PLCB4: variants seen among roughly 807,000 people sequenced by gnomAD.
PLCB4 encodes the protein phospholipase C beta 4.
In PLCB4, 77 loss-of-function variants were observed where a neutral mutation model predicts 178.8. That is an observed-to-expected ratio of 0.43 (90% confidence interval 0.36 to 0.52). The LOEUF (loss-of-function observed/expected upper bound fraction) is 0.52, where lower values mean the gene tolerates loss of function less well. Among genes scored for constraint, PLCB4 ranks in the 20% least tolerant of loss-of-function variants. The pLI is 0.00. For synonymous variants in PLCB4, 496 were observed against 490.8 expected (o/e 1.01, Z -0.14); for missense variants, 1,024 against 1,453.4 (o/e 0.70, Z 4.80).
intron 4 of PLCB4, among the ~76,000 whole-genome samples, chr20:9,321,568 A>G (rs974794481): frequency 3.9e-5 from 6 of 152,052 alleles, no homozygotes; most frequent in African/African-American, 7.2e-5. Flanking sequence ...GGAAGACTGT[A>G]TTTTTCATAT....
At chr20:9,278,410 C>T (rs947797441) in intron 3 of PLCB4, among the ~76,000 whole-genome samples, 2 of 151,998 alleles carry the variant, frequency 1.3e-5, no homozygotes, top group African/African-American at 4.8e-5. Context: ...TTAGATGGGA[C>T]ATCCAGGAAC....
chr20:9,148,471 G>T (rs961034098), intron 2 of PLCB4, among the ~76,000 whole-genome samples: 1 of 152,114 alleles, frequency 6.6e-6, no homozygotes, highest in Non-Finnish European at 1.5e-5. Context: ...CTGAAATACT[G>T]TGGCTGGAGA....
At chr20:9,305,599 AT>A (rs1384282453) in intron 3 of PLCB4, among the ~76,000 whole-genome samples, 6 of 151,602 alleles carry the variant, frequency 4.0e-5, no homozygotes, top group African/African-American at 1.5e-4. Flanking sequence ...TTTTTACTTT[AT>A]TTTTCTTAAC....
At chr20:9,075,009 C>T (rs2089780093) in intron 1 of PLCB4, among the ~76,000 whole-genome samples, 1 of 151,994 alleles carries the variant, frequency 6.6e-6, no homozygotes, top group African/African-American at 2.4e-5. Context: ...ATAACAACAA[C>T]AAAATAAAAC....
intron 3 of PLCB4, among the ~76,000 whole-genome samples, chr20:9,230,518 T>C (rs1035472306): frequency 5.3e-5 from 8 of 152,250 alleles, no homozygotes; most frequent in African/African-American, 1.9e-4. Context: ...CTGACCAGTG[T>C]CTCAGTTGGC....
intron 2 of PLCB4, among the ~76,000 whole-genome samples, chr20:9,141,232 T>C (rs547160044): frequency 5.3e-5 from 8 of 152,308 alleles, no homozygotes; most frequent in African/African-American, 1.7e-4. Flanking sequence ...ACTCATTCCA[T>C]TCCTATTTGT....
chr20:9,164,829 G>T (rs2092943679), intron 2 of PLCB4, among the ~76,000 whole-genome samples: 2 of 152,128 alleles, frequency 1.3e-5, no homozygotes, highest in Admixed American at 1.3e-4. Flanking sequence ...CTGGGGAGGT[G>T]GAGGGAACTG....
intron 32 of PLCB4, among the ~76,000 whole-genome samples, chr20:9,446,009 A>G (rs1444055098): frequency 2.0e-5 from 3 of 152,218 alleles, no homozygotes; most frequent in Non-Finnish European, 2.9e-5. Flanking sequence ...TTCTTGAGGC[A>G]TGGCCAGAAA....
chr20:9,308,755 A>G (rs2147877009), intron 4 of PLCB4, among the ~76,000 whole-genome samples: 1 of 152,316 alleles, frequency 6.6e-6, no homozygotes, highest in African/African-American at 2.4e-5. Context: ...ATATTTCTGC[A>G]GGGTGCATCT....
At chr20:9,157,391 G>A (rs2092810061) in intron 2 of PLCB4, among the ~76,000 whole-genome samples, 1 of 152,204 alleles carries the variant, frequency 6.6e-6, no homozygotes, top group African/African-American at 2.4e-5. Context: ...TGGGCAGAAT[G>A]TTAAAATGCT....
chr20:9,160,055 C>T (rs1022489789), intron 2 of PLCB4, among the ~76,000 whole-genome samples: 2 of 152,296 alleles, frequency 1.3e-5, no homozygotes, highest in East Asian at 3.9e-4. Flanking sequence ...GGACCTGTGT[C>T]GCCAAGGAGC....
intron 2 of PLCB4, among the ~76,000 whole-genome samples, chr20:9,209,751 C>T (rs995658423): frequency 6.6e-6 from 1 of 151,992 alleles, no homozygotes; most frequent in African/African-American, 2.4e-5. Context: ...AGATGCTGAG[C>T]AGAAAACCCA....
At chr20:9,445,958 G>A (rs946610286) in intron 32 of PLCB4, among the ~76,000 whole-genome samples, 2 of 152,152 alleles carry the variant, frequency 1.3e-5, no homozygotes, top group African/African-American at 4.8e-5. Context: ...GTGGCCTTTG[G>A]GCTAGTTGGA....
chr20:9,152,357 A>T (rs549672308), intron 2 of PLCB4, among the ~76,000 whole-genome samples: 1 of 152,162 alleles, frequency 6.6e-6, no homozygotes, highest in Admixed American at 6.5e-5. Flanking sequence ...GTCTAGGAGG[A>T]AAAAATGATT....
At chr20:9,459,349 A>T (rs2043247490) in intron 34 of PLCB4, among the ~76,000 whole-genome samples, 1 of 149,162 alleles carries the variant, frequency 6.7e-6, no homozygotes, top group South Asian at 2.1e-4. Flanking sequence ...ATCTAAAAAA[A>T]CAAAACAAAC....
At chr20:9,278,812 C>T (rs1177555716) in intron 3 of PLCB4, among the ~76,000 whole-genome samples, 2 of 152,068 alleles carry the variant, frequency 1.3e-5, no homozygotes, top group African/African-American at 4.8e-5. Flanking sequence ...CAGGCCATGA[C>T]TAGGGCAGGT....
intron 2 of PLCB4, among the ~76,000 whole-genome samples, chr20:9,110,647 T>C (rs1009163191): frequency 1.3e-5 from 2 of 152,132 alleles, no homozygotes; most frequent in African/African-American, 4.8e-5. Context: ...ACGTTTCTTT[T>C]ATAGCTGGCC....
intron 7 of PLCB4, among the ~76,000 whole-genome samples, chr20:9,356,989 A>T (rs1345546949): frequency 2.0e-5 from 3 of 152,030 alleles, no homozygotes; most frequent in Non-Finnish European, 4.4e-5. Flanking sequence ...GGTGGCTCAC[A>T]CTTGTGGTCT....
chr20:9,424,664 C>T (rs1444035909), intron 28 of PLCB4, among the ~76,000 whole-genome samples: 3 of 152,122 alleles, frequency 2.0e-5, no homozygotes, highest in African/African-American at 7.2e-5. Flanking sequence ...AGGATGTAAC[C>T]TCTCAAACCC....
Sources: gnomAD v4.1 joint callset for allele counts (sites outside exome capture counted in the v4.1 genomes callset) on GRCh38, gnomAD v4.1.1 for gene constraint, MANE v1.5 for transcripts, NCBI Gene and HGNC (gene_info 2026-07-23, HGNC 2026-07-21) for gene names.